The following TKTL2 variants were observed in gnomAD, a reference collection of about 807,000 sequenced individuals.
TKTL2 encodes transketolase-like protein 2.
For synonymous variants in TKTL2, 259 were observed against 294.1 expected, an observed-to-expected ratio of 0.88 and a Z score of 1.22; for missense variants, 825 against 799.4, an observed-to-expected ratio of 1.03 and a Z score of -0.39.
At position 163,473,515 on chromosome 4, in the gene TKTL2, G is replaced by A. The variant is rs773605239; in HGVS notation, c.220C>T (p.Leu74Phe). Residue 74 changes from leucine (L) to phenylalanine (F), a missense_variant, in exon 1 of 1, where the codon CTC becomes TTC. Physicochemically the swap from Leu to Phe is conservative, Grantham distance 22. Coordinates refer to ENST00000280605, the MANE Select transcript of TKTL2 (RefSeq NM_032136.5). ...ATAGGAGCAGCATGTCCCCTGGAGA[G>A]GATGAACCGGTCGTTGTCCGGGTGT... Reference protein sequence around the residue: ...PEHPDNDRFILSRGHAAPILY... With the variant: ...PEHPDNDRFIFSRGHAAPILY... The A allele has an allele frequency of 6.2e-7, 1 of 1,614,022 alleles. No homozygotes were observed. The highest frequency in any genetic ancestry group is 1.3e-5 in the African/African-American group (1 of 75,038).
At position 163,472,326 on chromosome 4, in the gene TKTL2, C is replaced by T. The variant is rs780337719; in HGVS notation, c.1409G>A (p.Gly470Glu). The T allele has an allele frequency of 5.6e-6, 9 of 1,603,220 alleles. No homozygotes were observed. The highest frequency in any genetic ancestry group is 7.7e-6 in the Non-Finnish European group (9 of 1,174,966). The change falls in exon 1 of 1, where the codon GGA becomes GAA. Residue 470 changes from glycine to glutamate, a missense_variant. Gly to Glu is a moderately conservative substitution (Grantham distance 98, BLOSUM62 -2). Transcript: ENST00000280605. ...HAIYLAANTK[G>E]MCFIRTSQPE... Reference sequence around the variant, plus strand: ...TTGGCTGGTTCGAATGAAGCACATTCCCTTGGTATTGGCGGCTAGATAAAT... The same window carrying T: ...TTGGCTGGTTCGAATGAAGCACATTTCCTTGGTATTGGCGGCTAGATAAAT...
In TKTL2 at chr4:163,473,387, C is replaced by T; in HGVS notation, c.348G>A (p.Leu116=). The stretch of plus-strand genomic sequence containing the variant: ...ACCCTGTTGCCACGTCAACAAACGG[C>T]AATCGGGGGGTAGGGTGTCTCTCCA... ...SDLERHPTPR[L]PFVDVATGSL... The change falls in exon 1 of 1, where the codon TTG becomes TTA. Residue 116 remains leucine, a synonymous_variant. Transcript: ENST00000280605. 2 of 1,613,836 alleles carry T rather than the reference C, an allele frequency of 1.2e-6. No individual in the cohort carries two copies. The highest frequency in any genetic ancestry group is 8.5e-7 in the Non-Finnish European group (1 of 1,179,938).
rs1211233728 is a variant in TKTL2, at chr4:163,473,420, G to A, written c.315C>T (p.His105=). ...ESDLLNLRKL[H]SDLERHPTPR... ...GGGTAGGGTGTCTCTCCAAGTCGCT[G>A]TGAAGTTTCCTCAGGTTCAGCAAGT... The change falls in exon 1 of 1, where the codon CAC becomes CAT. Residue 105 remains histidine (H), a synonymous_variant. Coordinates refer to ENST00000280605, the MANE Select transcript of TKTL2 (RefSeq NM_032136.5). 1.2e-6 allele frequency: 2 copies of A among 1,614,024 alleles called. No individual in the cohort carries two copies. Among genetic ancestry groups the A allele is most frequent in the South Asian group, 2.2e-5 (2 of 91,082 alleles).
rs112055389 is a variant in TKTL2, at chr4:163,473,464, C to G, written c.271G>C (p.Gly91Arg). The G allele has an allele frequency of 2.9e-4, 460 of 1,613,934 alleles. 2 individuals are homozygous for G. In the African/African-American group the frequency reaches 5.1e-3, roughly 18 times the overall value. Residue 91 changes from glycine to arginine, a missense_variant, in exon 1 of 1, where the codon GGT becomes CGT. Gly to Arg is a moderately radical substitution (Grantham distance 125). Transcript: ENST00000280605. Reference sequence around the variant, plus strand: ...AGCAAGTCAGATTCACTGATGTCACCCACCTCCACCCAAGCAGCATAGAGG... The same window carrying G: ...AGCAAGTCAGATTCACTGATGTCACGCACCTCCACCCAAGCAGCATAGAGG... ...PILYAAWVEV[G>R]DISESDLLNL...
rs1194568428 is a variant in TKTL2 at position 163,472,342 on chromosome 4, CTAGA to C, written c.1389_1392del (p.Tyr463Ter). On this transcript the variant is annotated frameshift_variant, in exon 1 of 1. Coordinates refer to ENST00000280605, the MANE Select transcript of TKTL2 (RefSeq NM_032136.5). LOFTEE classifies it low-confidence loss of function (END_TRUNC). ...AAGCACATTCCCTTGGTATTGGCGG[CTAGA>C]TAAATAGCATGCTCTGTCGAGATGG... The C allele has an allele frequency of 1.3e-6, 2 of 1,599,708 alleles. No homozygotes were observed. The highest frequency in any genetic ancestry group is 1.7e-5 in the Admixed American group (1 of 58,716).
chr4:163,473,289 C>A lies in TKTL2; in HGVS notation c.446G>T (p.Arg149Leu), dbSNP rs147436359. 164 of 1,613,952 alleles carry A rather than the reference C, an allele frequency of 1.0e-4. No homozygotes were observed. The highest frequency in any genetic ancestry group is 1.3e-4 in the Non-Finnish European group (152 of 1,180,038). The change falls in exon 1 of 1, where the codon CGG (arginine) becomes CTG (leucine). Residue 149 changes from arginine (R) to leucine (L), a missense_variant. Transcript: ENST00000280605. The part of the protein sequence containing the change: ...TGKYLDKASY[R>L]VFCLMGDGES... ...GCCATCTCCCATAAGGCAGAACACC[C>A]GGTAGCTGGCCTTGTCAAGGTACTT...
rs1560904268 is a variant in TKTL2, at chr4:163,472,973, ATTTGGAATACC to A, written c.751_761del (p.Gly251TyrfsTer2). 1.9e-6 allele frequency: 3 copies of A among 1,614,082 alleles called. No homozygotes were observed. The highest frequency in any genetic ancestry group is 2.5e-6 in the Non-Finnish European group (3 of 1,180,020). ...CATGCCAATTTTCTGCATCCTCAAT[ATTTGGAATACC>A]CCGACCTTTGAAGGTCTTGGCAACT... On this transcript the variant is annotated frameshift_variant, in exon 1 of 1. Transcript: ENST00000280605. LOFTEE classifies it low-confidence loss of function (END_TRUNC).
In TKTL2 at chr4:163,473,141, A is replaced by G; in HGVS notation, c.594T>C (p.His198=). Reference sequence around the variant, plus strand: ...AGCAATTCTGGTAGATGTCTGCGCCATGCTCAAGGGGTGCAGGGCCACTTT... The same window carrying G: ...AGCAATTCTGGTAGATGTCTGCGCCGTGCTCAAGGGGTGCAGGGCCACTTT... ...LGQSGPAPLE[H]GADIYQNCCE... is the part of the protein sequence containing the mutation. Residue 198 remains histidine (H), a synonymous_variant, in exon 1 of 1, where the codon CAT becomes CAC. Transcript: ENST00000280605. 2 of 1,614,000 alleles carry G rather than the reference A, an allele frequency of 1.2e-6. No individual in the cohort carries two copies. The highest frequency in any genetic ancestry group is 1.7e-6 in the Non-Finnish European group (2 of 1,180,020).
rs756272745 is a variant in TKTL2, at chr4:163,473,537, G to A, written c.198C>T (p.His66=). ...TMKYKQTDPE[H]PDNDRFILSR... is the part of the protein sequence containing the mutation. Reference sequence around the variant, plus strand: ...AGAGGATGAACCGGTCGTTGTCCGGGTGTTCTGGGTCTGTCTGTTTATACT... The same window carrying A: ...AGAGGATGAACCGGTCGTTGTCCGGATGTTCTGGGTCTGTCTGTTTATACT... Residue 66 remains histidine (H), a synonymous_variant, in exon 1 of 1, where the codon CAC becomes CAT. Coordinates refer to ENST00000280605, the MANE Select transcript of TKTL2 (RefSeq NM_032136.5). 4 of 1,614,042 alleles carry A rather than the reference G, an allele frequency of 2.5e-6. No homozygotes were observed. The highest frequency in any genetic ancestry group is 3.4e-6 in the Non-Finnish European group (4 of 1,179,998).
chr4:163,473,572 G>T lies in TKTL2; in HGVS notation c.163C>A (p.His55Asn), dbSNP rs769353582. 6.2e-7 allele frequency: 1 copy of T among 1,614,000 alleles called. No individual in the cohort carries two copies. Among genetic ancestry groups the T allele is most frequent in the African/African-American group, 1.3e-5 (1 of 74,908 alleles). Reference sequence around the variant, plus strand: ...TCTGTCTGTTTATACTTCATCGTGTGGAAGAAGAGGACAGACACGACCTCC... The same window carrying T: ...TCTGTCTGTTTATACTTCATCGTGTTGAAGAAGAGGACAGACACGACCTCC... ...AAEVVSVLFF[H>N]TMKYKQTDPE... The change falls in exon 1 of 1, where the codon CAC becomes AAC. Residue 55 changes from histidine to asparagine, a missense_variant. Coordinates refer to ENST00000280605, the MANE Select transcript of TKTL2 (RefSeq NM_032136.5).
At position 163,472,288 on chromosome 4, in the gene TKTL2, CTG is replaced by C; in HGVS notation, c.1445_1446del (p.Ala482GlyfsTer10). 1 of 1,608,972 alleles carries C rather than the reference CTG, an allele frequency of 6.2e-7. No individual in the cohort carries two copies. Among genetic ancestry groups the C allele is most frequent in the Non-Finnish European group, 8.5e-7 (1 of 1,177,554 alleles). The stretch of plus-strand genomic sequence containing the variant: ...AAATTTTCTTGTGGGGTATAAATAA[CTG>C]CAGTTTCTGGTTGGCTGGTTCGAAT... ...CFIRTSQPET[A>X]VIYTPQENFE... On this transcript the variant is annotated frameshift_variant, in exon 1 of 1. Transcript: ENST00000280605. LOFTEE classifies it low-confidence loss of function (END_TRUNC).
Position 163,472,971 on chromosome 4 carries a change from A to G in TKTL2, c.764T>C (p.Ile255Thr). The G allele has an allele frequency of 2.5e-6, 4 of 1,614,086 alleles. No individual in the cohort carries two copies. Among genetic ancestry groups the G allele is most frequent in the South Asian group, 1.1e-5 (1 of 91,076 alleles). Residue 255 changes from isoleucine to threonine, a missense_variant, in exon 1 of 1, where the codon ATT (isoleucine) becomes ACT (threonine). Physicochemically the swap from Ile to Thr is moderately conservative, Grantham distance 89. Transcript: ENST00000280605. ...TCCATGCCAATTTTCTGCATCCTCA[A>G]TATTTGGAATACCCCGACCTTTGAA... The part of the protein sequence containing the change: ...KTFKGRGIPN[I>T]EDAENWHGKP...
rs756094486 is a variant in TKTL2, at chr4:163,471,806, C to T, written c.*48G>A. On this transcript the variant is annotated 3_prime_UTR_variant, in exon 1 of 1. Transcript: ENST00000280605. ...TGAATTTAATACAAAGATACCAGTGCTTTTGGGCCAAAGCCAATAGACTTG... is the reference window on the plus strand; with the variant it reads ...TGAATTTAATACAAAGATACCAGTGTTTTTGGGCCAAAGCCAATAGACTTG... 1.2e-5 allele frequency: 17 copies of T among 1,429,108 alleles called. No homozygotes were observed. Among genetic ancestry groups the T allele is most frequent in the Admixed American group, 9.8e-5 (4 of 40,822 alleles). 88.5% of individuals were successfully genotyped at this position (1,429,108 alleles called of 1,614,324 possible). A position where few individuals can be genotyped will look rare whatever the true frequency, so the allele number is the denominator to read the frequency against.
chr4:163,472,178 G>C lies in TKTL2; in HGVS notation c.1557C>G (p.Ala519=). ...VIGAGVTLHE[A]LEAADHLSQQ... ...GAGAAAGATGGTCAGCAGCTTCTAAGGCTTCATGGAGAGTAACTCCAGCTC... is the reference window on the plus strand; with the variant it reads ...GAGAAAGATGGTCAGCAGCTTCTAACGCTTCATGGAGAGTAACTCCAGCTC... Residue 519 remains alanine, a synonymous_variant, in exon 1 of 1, where the codon GCC becomes GCG. Transcript: ENST00000280605. 1 of 1,614,176 alleles carries C rather than the reference G, an allele frequency of 6.2e-7. No individual in the cohort carries two copies. Among genetic ancestry groups the C allele is most frequent in the South Asian group, 1.1e-5 (1 of 91,082 alleles).
At position 163,473,671 on chromosome 4, in the gene TKTL2, G is replaced by T. The variant is rs764401835; in HGVS notation, c.64C>A (p.Arg22Ser). ...TVQVLRDTANRLRIHSIRATC... is the reference protein window; with the variant it reads ...TVQVLRDTANSLRIHSIRATC... The stretch of plus-strand genomic sequence containing the variant: ...GCCCTGATGGAATGGATCCGCAGGC[G>T]GTTGGCTGTGTCCCGCAGCACCTGC... Residue 22 changes from arginine to serine, a missense_variant, in exon 1 of 1, where the codon CGC (arginine) becomes AGC (serine). Arg to Ser is a moderately radical substitution (Grantham distance 110). Transcript: ENST00000280605. The T allele has an allele frequency of 9.9e-6, 16 of 1,614,014 alleles. No homozygotes were observed. The Admixed American group carries it at 2.5e-4, about 25-fold the overall frequency.
Position 163,471,325 on chromosome 4 carries a change from G to C in TKTL2, c.*529C>G, listed in dbSNP as rs1321835411. The C allele has an allele frequency of 1.3e-5, 2 of 152,308 alleles. No individual in the cohort carries two copies. Among genetic ancestry groups the C allele is most frequent in the African/African-American group, 4.8e-5 (2 of 41,458 alleles). 9.4% of individuals were successfully genotyped at this position (152,308 alleles called of 1,614,324 possible). On this transcript the variant is annotated 3_prime_UTR_variant, in exon 1 of 1. Transcript: ENST00000280605. Reference sequence around the variant, plus strand: ...ACTGCTGCACCATCACCTCCAAACTGTAGAGGAGAGATGAAGGCAAACTTT... The same window carrying C: ...ACTGCTGCACCATCACCTCCAAACTCTAGAGGAGAGATGAAGGCAAACTTT...
chr4:163,471,813 G>T lies in TKTL2; in HGVS notation c.*41C>A. The T allele has an allele frequency of 6.9e-7, 1 of 1,452,386 alleles. No homozygotes were observed. Among genetic ancestry groups the T allele is most frequent in the Non-Finnish European group, 9.2e-7 (1 of 1,086,532 alleles). 90.0% of individuals were successfully genotyped at this position (1,452,386 alleles called of 1,614,324 possible). ...AATACAAAGATACCAGTGCTTTTGG[G>T]CCAAAGCCAATAGACTTGACTTTTT... On this transcript the variant is annotated 3_prime_UTR_variant, in exon 1 of 1. Transcript: ENST00000280605.
rs868002461 is a variant in TKTL2, at chr4:163,472,587, C to T, written c.1148G>A (p.Arg383His). 2.9e-5 allele frequency: 47 copies of T among 1,614,064 alleles called. No homozygotes were observed. The highest frequency in any genetic ancestry group is 4.4e-5 in the South Asian group (4 of 91,094). The change falls in exon 1 of 1, where the codon CGT becomes CAT. Residue 383 changes from arginine (R) to histidine (H), a missense_variant. By Grantham distance (29) the Arg-to-His change is conservative. Transcript: ENST00000280605. ...MVSVALGCAT[R>H]GRTIAFAGAF... ...ACCAGCAAAAGCAATGGTTCGACCACGTGTAGCACAGCCTAGTGCCACACT... is the reference window on the plus strand; with the variant it reads ...ACCAGCAAAAGCAATGGTTCGACCATGTGTAGCACAGCCTAGTGCCACACT...
rs754541047 is a variant in TKTL2 at position 163,473,164 on chromosome 4, T to C, written c.571A>G (p.Ser191Gly). 1 of 1,613,982 alleles carries C rather than the reference T, an allele frequency of 6.2e-7. No homozygotes were observed. Among genetic ancestry groups the C allele is most frequent in the Non-Finnish European group, 8.5e-7 (1 of 1,180,016 alleles). ...CCATGCTCAAGGGGTGCAGGGCCAC[T>C]TTGTCCCAAGCGGTTCACGTCGAAG... Reference protein sequence around the residue: ...AVFDVNRLGQSGPAPLEHGAD... With the variant: ...AVFDVNRLGQGGPAPLEHGAD... The change falls in exon 1 of 1, where the codon AGT becomes GGT. Residue 191 changes from serine (S) to glycine (G), a missense_variant. Ser to Gly is a moderately conservative substitution (Grantham distance 56, BLOSUM62 0). Transcript: ENST00000280605.
Sources: gnomAD v4.1 joint callset for allele counts on GRCh38, gnomAD v4.1.1 for gene constraint, MANE v1.5 for transcripts, NCBI Gene and HGNC (gene_info 2026-07-23, HGNC 2026-07-21) for gene names.